PTCHD1: variants seen among roughly 807,000 people sequenced by gnomAD.
PTCHD1 encodes the protein patched domain-containing protein 1.
PTCHD1 carries 3 observed loss-of-function variants against 34.6 expected under a neutral mutation model. The observed-to-expected ratio is 0.09, with a 90% CI of 0.04 to 0.22. The LOEUF (loss-of-function observed/expected upper bound fraction) is 0.22, where lower values mean the gene tolerates loss of function less well. PTCHD1 is among the 10% of genes least tolerant of loss of function. The pLI is 1.00. For missense variants in PTCHD1, 504 were observed against 685.5 expected, an observed-to-expected ratio of 0.74 and a Z score of 2.96; for synonymous variants, 305 against 283.1, an observed-to-expected ratio of 1.08 and a Z score of -0.77.
intron 1 of PTCHD1, among the ~76,000 whole-genome samples, chrX:23,359,580 C>G (rs1353437553): frequency 4.5e-5 from 5 of 112,014 alleles, no homozygotes; most frequent in African/African-American, 1.6e-4. Context: ...AATATACAAC[C>G]ATGTCATCTG....
intron 1 of PTCHD1, among the ~76,000 whole-genome samples, chrX:23,342,292 ATATATATATATATATATATT>A (rs1921344297): frequency 5.7e-4 from 4 of 7,065 alleles, no homozygotes; most frequent in Non-Finnish European, 7.7e-4. Context: ...ATATATATAT[ATATATATATATATATATATT>A]TTTTTTTTTT....
intron 2 of PTCHD1, among the ~76,000 whole-genome samples, chrX:23,386,410 G>T (rs894246166): frequency 1.8e-5 from 2 of 112,032 alleles, no homozygotes; most frequent in African/African-American, 6.5e-5. Context: ...GTGAGCATCT[G>T]TCTTTACTTA....
At position 23,400,864 on chromosome X, in the gene PTCHD1, G is replaced by GT. The variant is rs1382576236; in HGVS notation, c.*6688dup. Reference sequence around the variant, plus strand: ...GTTTGTCTTTTTTGTTTGTTTGTTTGTTTTTTTTTGAGATGGAGTCTCACT... The same window carrying GT: ...GTTTGTCTTTTTTGTTTGTTTGTTTGTTTTTTTTTTGAGATGGAGTCTCACT... On this transcript the variant is annotated 3_prime_UTR_variant, in exon 3 of 3. Transcript: ENST00000379361. The GT allele has an allele frequency of 3.4e-3, 367 of 108,898 alleles. 1 individual carries two copies. The highest frequency in any genetic ancestry group is 0.015 in the South Asian group (39 of 2,531). The allele number at this position is 108,898 out of a possible 1,213,427, so 9.0% of individuals were successfully genotyped here.
At chrX:23,365,135 G>A (rs928455760) in intron 1 of PTCHD1, among the ~76,000 whole-genome samples, 5 of 111,823 alleles carry the variant, frequency 4.5e-5, no homozygotes, top group Non-Finnish European at 7.5e-5. Flanking sequence ...ATCTACACTC[G>A]TGAACTTGTT....
chrX:23,349,692 G>A (rs1463259137), intron 1 of PTCHD1, among the ~76,000 whole-genome samples: 1 of 111,774 alleles, frequency 8.9e-6, no homozygotes, highest in Non-Finnish European at 1.9e-5. Context: ...GAACTGAAAG[G>A]AGAAATAGAC....
chrX:23,362,166 C>T (rs1922004519), intron 1 of PTCHD1, among the ~76,000 whole-genome samples: 1 of 111,558 alleles, frequency 9.0e-6, no homozygotes, highest in African/African-American at 3.3e-5. Flanking sequence ...TTGTGGTGTT[C>T]TCTGTATTTC....
chrX:23,373,566 A>G (rs747681239), intron 1 of PTCHD1, among the ~76,000 whole-genome samples: 8 of 112,832 alleles, frequency 7.1e-5, no homozygotes, highest in Non-Finnish European at 1.1e-4. Flanking sequence ...CTACAAATGA[A>G]TCACGGTAAC....
rs1569145032 is a variant in PTCHD1, at chrX:23,401,058, T to TGTGTGTGTGTGTGTGTGTGTGTG, written c.*6873_*6874insGTGTGTGTGTGTGTGTGTGTGTG. 1.8e-5 allele frequency: 2 copies of TGTGTGTGTGTGTGTGTGTGTGTG among 108,396 alleles called. No homozygotes were observed. Among genetic ancestry groups the TGTGTGTGTGTGTGTGTGTGTGTG allele is most frequent in the African/African-American group, 6.8e-5 (2 of 29,488 alleles). 8.9% of individuals were successfully genotyped at this position (108,396 alleles called of 1,213,427 possible). A position where few individuals can be genotyped will look rare whatever the true frequency, so the allele number is the denominator to read the frequency against. ...GTGTGTGTGTGTGTGTGTGTGTGTG[T>TGTGTGTGTGTGTGTGTGTGTGTG]TTAGTAGAGATGGGGTTTCACCGTG... is the stretch of plus-strand genomic sequence containing the variant. On this transcript the variant is annotated 3_prime_UTR_variant, in exon 3 of 3. Transcript: ENST00000379361.
intron 2 of PTCHD1, among the ~76,000 whole-genome samples, chrX:23,381,875 C>G (rs1056926791): frequency 8.9e-6 from 1 of 111,758 alleles, no homozygotes; most frequent in African/African-American, 3.3e-5. Flanking sequence ...CAGAGTGGTT[C>G]CTTGAAGAGT....
intron 1 of PTCHD1, chrX:23,351,058 T>C: frequency 2.4e-6 from 1 of 416,882 alleles, no homozygotes; most frequent in Non-Finnish European, 4.2e-6. Flanking sequence ...GATGCCAGTA[T>C]GACAACTCCT....
In PTCHD1 at chrX:23,396,633, ACT is replaced by A. The variant is rs1265508180; in HGVS notation, c.*2451_*2452del. The A allele has an allele frequency of 9.0e-6, 1 of 111,614 alleles. No individual in the cohort carries two copies. The highest frequency in any genetic ancestry group is 3.8e-4 in the South Asian group (1 of 2,646). 9.2% of individuals were successfully genotyped at this position (111,614 alleles called of 1,213,427 possible). On this transcript the variant is annotated 3_prime_UTR_variant, in exon 3 of 3. Coordinates refer to ENST00000379361, the MANE Select transcript of PTCHD1 (RefSeq NM_173495.3). The stretch of plus-strand genomic sequence containing the variant: ...GTCAACCAGAATGACTTCCTGTGGA[ACT>A]CTGTTTTATGACAGATAATAGTTTT...
chrX:23,389,621 C>A (rs754003774), intron 2 of PTCHD1, among the ~76,000 whole-genome samples: 3 of 111,918 alleles, frequency 2.7e-5, no homozygotes, highest in Non-Finnish European at 5.6e-5. Flanking sequence ...CAAAGTCAGG[C>A]ACAACTAGCA....
intron 1 of PTCHD1, among the ~76,000 whole-genome samples, chrX:23,372,440 C>T (rs988064046): frequency 9.1e-6 from 1 of 110,132 alleles, no homozygotes; most frequent in African/African-American, 3.3e-5. Context: ...GAATTTAAAG[C>T]AGGGAAGTGA....
chrX:23,367,531 G>T (rs1367265950), intron 1 of PTCHD1, among the ~76,000 whole-genome samples: 7 of 111,379 alleles, frequency 6.3e-5, no homozygotes, highest in Admixed American at 1.9e-4. Flanking sequence ...ATTTCAGTAG[G>T]GCTGGCGTGC....
At chrX:23,375,817 T>C (rs1279850174) in intron 1 of PTCHD1, among the ~76,000 whole-genome samples, 1 of 112,022 alleles carries the variant, frequency 8.9e-6, no homozygotes, top group African/African-American at 3.2e-5. Flanking sequence ...TTTTCAACTG[T>C]ATAGAAAGCA....
intron 1 of PTCHD1, among the ~76,000 whole-genome samples, chrX:23,366,718 G>A (rs1309170790): frequency 2.7e-5 from 3 of 111,665 alleles, no homozygotes; most frequent in Non-Finnish European, 5.6e-5. Context: ...TAGTTGTCTT[G>A]TTGCTTGTCT....
At position 23,400,997 on chromosome X, in the gene PTCHD1, A is replaced by C. The variant is rs1277256459; in HGVS notation, c.*6812A>C. On this transcript the variant is annotated 3_prime_UTR_variant, in exon 3 of 3. Coordinates refer to ENST00000379361, the MANE Select transcript of PTCHD1 (RefSeq NM_173495.3). ...CAGCCTCCTGAGTAGCTGGGACTACAGGTGCCCGCCACCGCGCCCGGCTAA... is the reference window on the plus strand; with the variant it reads ...CAGCCTCCTGAGTAGCTGGGACTACCGGTGCCCGCCACCGCGCCCGGCTAA... 2 of 107,931 alleles carry C rather than the reference A, an allele frequency of 1.9e-5. No individual in the cohort carries two copies. The highest frequency in any genetic ancestry group is 7.0e-5 in the African/African-American group (2 of 28,639). 8.9% of individuals were successfully genotyped at this position (107,931 alleles called of 1,213,427 possible).
intron 1 of PTCHD1, among the ~76,000 whole-genome samples, chrX:23,378,597 A>C (rs1378815897): frequency 8.9e-6 from 1 of 112,050 alleles, no homozygotes; most frequent in African/African-American, 3.2e-5. Context: ...CTGGAGCCAG[A>C]CTGCCTGGTA....
At chrX:23,341,770 G>T (rs1271581726) in intron 1 of PTCHD1, among the ~76,000 whole-genome samples, 1 of 112,715 alleles carries the variant, frequency 8.9e-6, no homozygotes, top group African/African-American at 3.2e-5. Context: ...TGAATAATAT[G>T]TTGTGCTTGC....
Sources: gnomAD v4.1 joint callset for allele counts (sites outside exome capture counted in the v4.1 genomes callset) on GRCh38, gnomAD v4.1.1 for gene constraint, MANE v1.5 for transcripts, NCBI Gene and HGNC (gene_info 2026-07-23, HGNC 2026-07-21) for gene names.